The following NCAM2 variants were observed in gnomAD, a reference collection of about 807,000 sequenced individuals.
The protein encoded by NCAM2 is neural cell adhesion molecule 2.
Under a neutral mutation model 98.1 loss-of-function variants are expected in NCAM2, and 30 were observed. The observed-to-expected ratio is 0.31, with a 90% CI of 0.23 to 0.41. The LOEUF (loss-of-function observed/expected upper bound fraction) is 0.41. Ranked by LOEUF, NCAM2 falls within the 10% of genes least tolerant of loss-of-function variation. The probability of loss-of-function intolerance (pLI) is 1.00; values close to 1 mark genes in which losing one functional copy is unlikely to be tolerated. For synonymous variants in NCAM2, 368 were observed against 342.4 expected (o/e 1.07, Z -0.83); for missense variants, 867 against 1,005.8 (o/e 0.86, Z 1.87).
chr21:21,486,074 C>A (rs942155589), intron 15 of NCAM2, among the ~76,000 whole-genome samples: 1 of 151,956 alleles, frequency 6.6e-6, no homozygotes, highest in Non-Finnish European at 1.5e-5. Flanking sequence ...GAGGCCGAGG[C>A]AGGTGGATCA....
intron 15 of NCAM2, among the ~76,000 whole-genome samples, chr21:21,486,807 G>A (rs1986429851): frequency 6.6e-6 from 1 of 152,122 alleles, no homozygotes; most frequent in Admixed American, 6.5e-5. Flanking sequence ...ACAGAAATAA[G>A]ATACATCAAT....
At chr21:21,058,669 A>ATTTTTTTTTT in intron 1 of NCAM2, among the ~76,000 whole-genome samples, 1 of 144,854 alleles carries the variant, frequency 6.9e-6, no homozygotes, top group Non-Finnish European at 1.5e-5. Context: ...TTCACACAGG[A>ATTTTTTTTTT]TTTTTTTTTT....
At chr21:21,107,089 T>A (rs965902544) in intron 1 of NCAM2, among the ~76,000 whole-genome samples, 2 of 152,130 alleles carry the variant, frequency 1.3e-5, no homozygotes, top group Non-Finnish European at 2.9e-5. Context: ...TACCAGTCCA[T>A]CTCGTTTAGG....
intron 1 of NCAM2, among the ~76,000 whole-genome samples, chr21:21,012,157 C>T (rs139250608): frequency 2.8e-3 from 422 of 152,144 alleles, no homozygotes; most frequent in African/African-American, 9.6e-3. Flanking sequence ...AGTTGGTAAA[C>T]GAGTAACTCT....
chr21:21,156,089 A>G (rs895412901), intron 1 of NCAM2, among the ~76,000 whole-genome samples: 6 of 151,988 alleles, frequency 3.9e-5, no homozygotes, highest in Non-Finnish European at 5.9e-5. Flanking sequence ...AGATTCAGAG[A>G]TAATCCTAAT....
chr21:21,062,657 G>A (rs1019178485), intron 1 of NCAM2, among the ~76,000 whole-genome samples: 2 of 152,172 alleles, frequency 1.3e-5, no homozygotes, highest in African/African-American at 4.8e-5. Context: ...TGTAATGGCA[G>A]TCCTAGCAAA....
At chr21:21,451,194 C>A (rs1212522345) in intron 12 of NCAM2, among the ~76,000 whole-genome samples, 1 of 152,062 alleles carries the variant, frequency 6.6e-6, no homozygotes, top group Non-Finnish European at 1.5e-5. Context: ...TCTTCCATAT[C>A]ATTTGAGGTG....
At chr21:21,403,091 T>C (rs1162296657) in intron 9 of NCAM2, among the ~76,000 whole-genome samples, 1 of 152,190 alleles carries the variant, frequency 6.6e-6, no homozygotes, top group Non-Finnish European at 1.5e-5. Context: ...TGGCCACTTA[T>C]TTACCTTCTT....
Position 21,374,004 on chromosome 21 carries a change from G to C in NCAM2, c.1186G>C (p.Asp396His). The C allele has an allele frequency of 6.2e-7, 1 of 1,603,358 alleles. No individual in the cohort carries two copies. The highest frequency in any genetic ancestry group is 8.5e-7 in the Non-Finnish European group (1 of 1,175,744). ...IGGHQKSMYLDIEYAPKFISN... is the reference protein window; with the variant it reads ...IGGHQKSMYLHIEYAPKFISN... ...AGGGCATCAAAAGAGCATGTACCTT[G>C]ATATTGAATGTAAGTTACTTTCCTT... is the stretch of plus-strand genomic sequence containing the variant. Residue 396 changes from aspartate to histidine, a missense_variant, in exon 9 of 18, where the codon GAT becomes CAT. By Grantham distance (81) the Asp-to-His change is moderately conservative. This residue lies in a region of NCAM2 where 447 missense variants were observed against 495.7 expected (regional missense o/e 0.90). Coordinates refer to ENST00000400546, the MANE Select transcript of NCAM2 (RefSeq NM_004540.5).
chr21:21,183,982 G>T (rs553687341), intron 1 of NCAM2, among the ~76,000 whole-genome samples: 2 of 152,192 alleles, frequency 1.3e-5, no homozygotes, highest in Admixed American at 1.3e-4. Context: ...ATCAGTTTAT[G>T]ATCCTAATAA....
chr21:21,221,348 A>G (rs1341182962), intron 1 of NCAM2, among the ~76,000 whole-genome samples: 1 of 142 alleles, frequency 7.0e-3, no homozygotes, highest in Admixed American at 0.05. Flanking sequence ...CAAAATACAG[A>G]AGTGATTCTC....
intron 1 of NCAM2, among the ~76,000 whole-genome samples, chr21:21,219,191 ATTAGTG>A (rs1036485941): frequency 6.6e-6 from 1 of 152,100 alleles, no homozygotes; most frequent in Non-Finnish European, 1.5e-5. Flanking sequence ...ATCAGCTATT[ATTAGTG>A]TTAGTGTATT....
intron 1 of NCAM2, among the ~76,000 whole-genome samples, chr21:21,158,719 C>T (rs892052799): frequency 2.6e-5 from 4 of 151,890 alleles, no homozygotes; most frequent in Admixed American, 2.0e-4. Context: ...TTTATGATGA[C>T]GCTGATGTAA....
intron 1 of NCAM2, among the ~76,000 whole-genome samples, chr21:21,055,842 A>G (rs1048662503): frequency 6.6e-6 from 1 of 152,116 alleles, no homozygotes; most frequent in African/African-American, 2.4e-5. Flanking sequence ...GTGAAGTGAA[A>G]GAGGAAACAT....
intron 16 of NCAM2, among the ~76,000 whole-genome samples, chr21:21,532,553 A>ATT (rs1404519277): frequency 1.3e-5 from 2 of 152,146 alleles, no homozygotes; most frequent in South Asian, 2.1e-4. Context: ...CTTAGTAAGA[A>ATT]AAAGAATTAA....
chr21:21,286,378 G>A lies in NCAM2; in HGVS notation c.447G>A (p.Leu149=), dbSNP rs1184167098. The A allele has an allele frequency of 6.2e-7, 1 of 1,612,326 alleles. No individual in the cohort carries two copies. The highest frequency in any genetic ancestry group is 1.7e-5 in the Admixed American group (1 of 59,818). ...SSSPAPAVSW[L]YHNEEVTTIS... is the part of the protein sequence containing the mutation. ...CACCTGCACCTGCTGTCAGCTGGTTGTATCATAATGAGGAAGTCACCACTA... is the reference window on the plus strand; with the variant it reads ...CACCTGCACCTGCTGTCAGCTGGTTATATCATAATGAGGAAGTCACCACTA... The change falls in exon 4 of 18, where the codon TTG becomes TTA. Residue 149 remains leucine, a synonymous_variant. Coordinates refer to ENST00000400546, the MANE Select transcript of NCAM2 (RefSeq NM_004540.5).
intron 1 of NCAM2, among the ~76,000 whole-genome samples, chr21:21,241,559 GCTTTA>G (rs2071066384): frequency 6.6e-6 from 1 of 152,126 alleles, no homozygotes; most frequent in Non-Finnish European, 1.5e-5. Context: ...AATCACATGT[GCTTTA>G]CCCCACTGCA....
chr21:21,098,809 A>C (rs1316873329), intron 1 of NCAM2, among the ~76,000 whole-genome samples: 1 of 151,860 alleles, frequency 6.6e-6, no homozygotes, highest in Non-Finnish European at 1.5e-5. Flanking sequence ...TCCTGATGGC[A>C]GCAATTTTTT....
intron 6 of NCAM2, among the ~76,000 whole-genome samples, chr21:21,326,535 G>A (rs766939130): frequency 6.6e-6 from 1 of 152,132 alleles, no homozygotes; most frequent in Non-Finnish European, 1.5e-5. Flanking sequence ...TGGTTTTTCA[G>A]AGAGACTTCT....
Sources: gnomAD v4.1 joint callset for allele counts (sites outside exome capture counted in the v4.1 genomes callset) on GRCh38, gnomAD v4.1.1 for gene constraint, gnomAD v4.1.1 regional missense constraint, MANE v1.5 for transcripts, NCBI Gene and HGNC (gene_info 2026-07-23, HGNC 2026-07-21) for gene names.